ZFYVE9: variants seen among roughly 807,000 people sequenced by gnomAD.
ZFYVE9 encodes the protein zinc finger FYVE-type containing 9.
In ZFYVE9, 43 loss-of-function variants were observed where a neutral mutation model predicts 126.7. The observed-to-expected ratio is 0.34, with a 90% CI of 0.27 to 0.44. The LOEUF (loss-of-function observed/expected upper bound fraction) is 0.44, where lower values mean the gene tolerates loss of function less well. ZFYVE9 is among the 20% of genes least tolerant of loss of function. The pLI is 1.00. For synonymous variants in ZFYVE9, 521 were observed against 597.4 expected (o/e 0.87, Z 1.87); for missense variants, 1,476 against 1,697.0 (o/e 0.87, Z 2.29).
intron 13 of ZFYVE9, among the ~76,000 whole-genome samples, chr1:52,308,786 C>T (rs1646110234): frequency 6.6e-6 from 1 of 152,168 alleles, no homozygotes; most frequent in Non-Finnish European, 1.5e-5. Context: ...TTGTAATAAT[C>T]AGTACATTTG....
intron 1 of ZFYVE9, among the ~76,000 whole-genome samples, chr1:52,160,822 C>T (rs757974209): frequency 8.5e-5 from 13 of 152,100 alleles, no homozygotes; most frequent in Non-Finnish European, 1.5e-4. Flanking sequence ...GTAATATTAA[C>T]TGAAATTGAA....
chr1:52,258,819 C>T (rs915775445), intron 4 of ZFYVE9, among the ~76,000 whole-genome samples: 4 of 151,978 alleles, frequency 2.6e-5, no homozygotes, highest in Non-Finnish European at 2.9e-5. Context: ...TACTGTTCTT[C>T]GGCCTGTGGG....
intron 7 of ZFYVE9, among the ~76,000 whole-genome samples, chr1:52,270,009 A>C (rs1276693825): frequency 6.6e-6 from 1 of 151,926 alleles, no homozygotes; most frequent in Non-Finnish European, 1.5e-5. Context: ...GTGAATACCC[A>C]TATACTCTTC....
At chr1:52,341,520 C>G (rs1490866517) in intron 17 of ZFYVE9, among the ~76,000 whole-genome samples, 1 of 152,178 alleles carries the variant, frequency 6.6e-6, no homozygotes, top group Non-Finnish European at 1.5e-5. Flanking sequence ...TAAAAGTTCT[C>G]GTAAGCTGGT....
chr1:52,208,029 A>G (rs1018965458), intron 1 of ZFYVE9, among the ~76,000 whole-genome samples: 5 of 152,212 alleles, frequency 3.3e-5, no homozygotes, highest in African/African-American at 1.2e-4. Flanking sequence ...CTATTAAACA[A>G]TATAGCATGG....
Position 52,239,153 on chromosome 1 carries a change from C to T in ZFYVE9, c.1736C>T (p.Ala579Val), listed in dbSNP as rs1358203450. The stretch of plus-strand genomic sequence containing the variant: ...TCTATCAGTGTTCCTTTTGGTGGTG[C>T]AAGACCCAAGCAACCTTCTAATCTT... ...LPSISVPFGGARPKQPSNLKL... is the reference protein window; with the variant it reads ...LPSISVPFGGVRPKQPSNLKL... The change falls in exon 4 of 19, where the codon GCA (alanine) becomes GTA (valine). Residue 579 changes from alanine (A) to valine (V), a missense_variant. By Grantham distance (64) the Ala-to-Val change is moderately conservative (BLOSUM62 0). Transcript: ENST00000287727. 6.2e-7 allele frequency: 1 copy of T among 1,614,108 alleles called. No homozygotes were observed. Among genetic ancestry groups the T allele is most frequent in the Non-Finnish European group, 8.5e-7 (1 of 1,180,004 alleles).
At chr1:52,189,145 C>T (rs1644793214) in intron 1 of ZFYVE9, among the ~76,000 whole-genome samples, 1 of 151,792 alleles carries the variant, frequency 6.6e-6, no homozygotes, top group South Asian at 2.1e-4. Context: ...CCATATTGGC[C>T]CGGGTGGTCT....
At chr1:52,194,133 G>A (rs184506260) in intron 1 of ZFYVE9, among the ~76,000 whole-genome samples, 1 of 152,114 alleles carries the variant, frequency 6.6e-6, no homozygotes, top group Admixed American at 6.6e-5. Flanking sequence ...TAGTTTATCT[G>A]GAAAGATATC....
chr1:52,263,436 C>T (rs1645600414), intron 4 of ZFYVE9, among the ~76,000 whole-genome samples: 1 of 152,126 alleles, frequency 6.6e-6, no homozygotes, highest in African/African-American at 2.4e-5. Flanking sequence ...GCACATGTAA[C>T]TATCTTTCAA....
intron 4 of ZFYVE9, among the ~76,000 whole-genome samples, chr1:52,254,505 C>A (rs974690649): frequency 2.6e-5 from 4 of 151,872 alleles, no homozygotes; most frequent in African/African-American, 9.7e-5. Flanking sequence ...GTGTGGGCAA[C>A]ATGGCAAGAC....
chr1:52,240,924 G>A (rs372004916), intron 4 of ZFYVE9, among the ~76,000 whole-genome samples: 12 of 152,274 alleles, frequency 7.9e-5, no homozygotes, highest in African/African-American at 2.9e-4. Context: ...CTGAAAAAAA[G>A]TGGGATTCTG....
chr1:52,229,159 C>T (rs188809107), intron 2 of ZFYVE9, among the ~76,000 whole-genome samples: 25 of 152,260 alleles, frequency 1.6e-4, no homozygotes, highest in African/African-American at 4.3e-4. Context: ...TGAGCCACTG[C>T]GCCTAGCCAC....
intron 1 of ZFYVE9, chr1:52,179,822 C>G (rs1449206040): frequency 3.3e-6 from 2 of 612,582 alleles, no homozygotes; most frequent in African/African-American, 1.8e-5. Flanking sequence ...GGGGGCACAG[C>G]TGGCTTCAGC....
At position 52,237,608 on chromosome 1, in the gene ZFYVE9, A is replaced by G. The variant is rs758894136; in HGVS notation, c.191A>G (p.Glu64Gly). 1.9e-6 allele frequency: 3 copies of G among 1,613,968 alleles called. No homozygotes were observed. The African/African-American group carries it at 4.0e-5, about 22-fold the overall frequency. The change falls in exon 4 of 19, where the codon GAG becomes GGG. Residue 64 changes from glutamate (E) to glycine (G), a missense_variant. Physicochemically the swap from Glu to Gly is moderately conservative, Grantham distance 98. Around this residue, in one of 2 missense-constraint regions of ZFYVE9, gnomAD observed 807 missense variants for 794.6 expected, o/e 1.02. Transcript: ENST00000287727. ...GTGAATGAATCTGCAGTTTCTAATG[A>G]GTCACAACCACAACTGAAAGTCTTC... Reference protein sequence around the residue: ...ASVNESAVSNESQPQLKVFSL... With the variant: ...ASVNESAVSNGSQPQLKVFSL...
At chr1:52,247,693 C>T (rs1645401564) in intron 4 of ZFYVE9, among the ~76,000 whole-genome samples, 1 of 152,034 alleles carries the variant, frequency 6.6e-6, no homozygotes, top group East Asian at 1.9e-4. Context: ...GACGGGGTTT[C>T]GCCATGTTAG....
chr1:52,269,919 C>G (rs1386395868), intron 7 of ZFYVE9, among the ~76,000 whole-genome samples: 25 of 152,056 alleles, frequency 1.6e-4, no homozygotes, highest in Admixed American at 1.6e-3. Context: ...TCCCAAATAG[C>G]TGGGACTGTA....
At chr1:52,329,349 A>G (rs1170698127) in intron 13 of ZFYVE9, among the ~76,000 whole-genome samples, 1 of 152,210 alleles carries the variant, frequency 6.6e-6, no homozygotes, top group Non-Finnish European at 1.5e-5. Context: ...ACTCAAAACA[A>G]TCAACCAACA....
intron 2 of ZFYVE9, among the ~76,000 whole-genome samples, chr1:52,224,345 A>G (rs2124608755): frequency 6.6e-6 from 1 of 151,966 alleles, no homozygotes; most frequent in East Asian, 1.9e-4. Context: ...TGTTCCACTT[A>G]GGGTGGAGGG....
chr1:52,259,329 A>G (rs1645554784), intron 4 of ZFYVE9, among the ~76,000 whole-genome samples: 1 of 152,310 alleles, frequency 6.6e-6, no homozygotes, highest in African/African-American at 2.4e-5. Flanking sequence ...CTAAGGTGTT[A>G]GGAGTTAAGA....
Sources: allele counts gnomAD v4.1 joint callset (sites outside exome capture counted in the v4.1 genomes callset), GRCh38; gene constraint gnomAD v4.1.1; regional missense constraint gnomAD v4.1.1; transcripts MANE v1.5; gene names NCBI Gene and HGNC (gene_info 2026-07-23, HGNC 2026-07-21).